Variants in CEP85L observed in about 807,000 individuals in gnomAD.
CEP85L encodes the protein centrosomal protein 85L, also known as centrosomal protein of 85 kDa-like.
Under a neutral mutation model 100.3 loss-of-function variants are expected in CEP85L, and 60 were observed. The ratio of observed to expected loss-of-function variants is 0.60; its 90% CI spans 0.49 to 0.74. The LOEUF (loss-of-function observed/expected upper bound fraction) is 0.74. Ranked by LOEUF, CEP85L falls within the 30% of genes least tolerant of loss-of-function variation. The pLI, the probability that CEP85L is intolerant of heterozygous loss-of-function variation, is 0.00. For synonymous variants in CEP85L, 319 were observed against 322.7 expected (o/e 0.99, Z 0.12); for missense variants, 973 against 936.2 (o/e 1.04, Z -0.51).
chr6:118,485,652 G>T (rs745856130), intron 6 of CEP85L, among the ~76,000 whole-genome samples: 4 of 152,168 alleles, frequency 2.6e-5, no homozygotes, highest in Non-Finnish European at 5.9e-5. Context: ...GAGGCCCAAA[G>T]ATCTTTAGTG....
chr6:118,659,374 A>T (rs1039607680), intron 1 of CEP85L, among the ~76,000 whole-genome samples: 13 of 152,190 alleles, frequency 8.5e-5, no homozygotes, highest in Non-Finnish European at 1.6e-4. Context: ...TTTATAATAG[A>T]CTTTATATTA....
intron 2 of CEP85L, among the ~76,000 whole-genome samples, chr6:118,612,141 C>T (rs902909202): frequency 2.0e-5 from 3 of 151,758 alleles, no homozygotes; most frequent in Non-Finnish European, 4.4e-5. Context: ...GAGTTTCTGG[C>T]TACAATGGAA....
intron 3 of CEP85L, among the ~76,000 whole-genome samples, chr6:118,537,370 T>C (rs1379488528): frequency 2.6e-5 from 4 of 152,128 alleles, no homozygotes; most frequent in Admixed American, 6.6e-5. Flanking sequence ...ATTTTATATA[T>C]ATATTTAGTA....
At chr6:118,649,271 T>C (rs1382108445) in intron 1 of CEP85L, among the ~76,000 whole-genome samples, 1 of 152,248 alleles carries the variant, frequency 6.6e-6, no homozygotes, top group East Asian at 1.9e-4. Flanking sequence ...GTCAATAGTT[T>C]ATTACTGACA....
intron 2 of CEP85L, among the ~76,000 whole-genome samples, chr6:118,573,388 T>A (rs1005427505): frequency 6.6e-6 from 1 of 152,196 alleles, no homozygotes; most frequent in African/African-American, 2.4e-5. Context: ...AAAACAGAAT[T>A]TGGAGACTCA....
intron 2 of CEP85L, among the ~76,000 whole-genome samples, chr6:118,574,411 T>C (rs1202170633): frequency 6.6e-6 from 1 of 152,218 alleles, no homozygotes; most frequent in Non-Finnish European, 1.5e-5. Context: ...TTGCGATCGT[T>C]ACTGACGCAG....
At chr6:118,487,374 G>T (rs1031180512) in intron 6 of CEP85L, among the ~76,000 whole-genome samples, 2 of 152,160 alleles carry the variant, frequency 1.3e-5, no homozygotes, top group African/African-American at 4.8e-5. Flanking sequence ...AAGACCTGGA[G>T]AGTAGTGTCA....
At chr6:118,675,942 A>G (rs536974583) in intron 1 of CEP85L, among the ~76,000 whole-genome samples, 1 of 152,340 alleles carries the variant, frequency 6.6e-6, no homozygotes, top group African/African-American at 2.4e-5. Context: ...AAAGAGAATG[A>G]ACAATAATAA....
intron 1 of CEP85L, among the ~76,000 whole-genome samples, chr6:118,695,857 T>C (rs1777191449): frequency 6.6e-6 from 1 of 152,208 alleles, no homozygotes; most frequent in Non-Finnish European, 1.5e-5. Flanking sequence ...TGATGAGGGC[T>C]ACTAATTACA....
At chr6:118,597,192 C>T (rs1781501658) in intron 2 of CEP85L, among the ~76,000 whole-genome samples, 1 of 152,182 alleles carries the variant, frequency 6.6e-6, no homozygotes, top group Non-Finnish European at 1.5e-5. Context: ...TTATAAATTA[C>T]CCAGTCCCAG....
chr6:118,654,778 C>CA (rs1003661521), upstream of CEP85L, among the ~76,000 whole-genome samples: 2 of 152,146 alleles, frequency 1.3e-5, no homozygotes, highest in African/African-American at 4.8e-5. Context: ...ATAACTGCCT[C>CA]ACAGGATTGC....
chr6:118,633,997 C>T (rs1218297643), intron 1 of CEP85L, among the ~76,000 whole-genome samples: 1 of 152,206 alleles, frequency 6.6e-6, no homozygotes, highest in African/African-American at 2.4e-5. Flanking sequence ...TTCAATGCTC[C>T]CGTATCTGTA....
At position 118,540,991 on chromosome 6, in the gene CEP85L, C is replaced by T. The variant is rs149709092; in HGVS notation, c.1021-17071G>A. On this transcript the variant is annotated intron_variant, in intron 3 of 12. Transcript: ENST00000368491. ...TTTTCATTGTCTAACATTCATTATA[C>T]GGACTCATACTTATCCAAATATTGA... Among the ~76,000 whole-genome samples, 12 of 152,172 alleles carry T rather than the reference C, an allele frequency of 7.9e-5. No homozygotes were observed. In the South Asian group the frequency reaches 8.3e-4, roughly 11 times the overall value.
rs1456541327 is a variant in CEP85L at position 118,559,866 on chromosome 6, C to CTTA, written c.1020+5662_1020+5663insTAA. 2.4e-5 allele frequency: 4 copies of CTTA among 166,952 alleles called. No homozygotes were observed. In the Admixed American group the frequency reaches 2.6e-4, roughly 11 times the overall value. The allele number at this position is 166,952 out of a possible 1,614,324, so 10.3% of individuals were successfully genotyped here. ...TGTGACAGTGAGATTAGTCATATCA[C>CTTA]TAATATACTAACAACAGAATCTAAT... is the stretch of plus-strand genomic sequence containing the variant. On this transcript the variant is annotated intron_variant, in intron 3 of 12. Transcript: ENST00000368491.
intron 5 of CEP85L, chr6:118,501,583 G>T: frequency 1.8e-6 from 1 of 544,410 alleles, no homozygotes; most frequent in South Asian, 1.5e-5. Flanking sequence ...AAGAACTAAC[G>T]GATAACTTCA....
intron 3 of CEP85L, among the ~76,000 whole-genome samples, chr6:118,548,017 T>C (rs905732722): frequency 3.3e-5 from 5 of 152,124 alleles, no homozygotes; most frequent in Admixed American, 2.6e-4. Flanking sequence ...TATTCAATTA[T>C]CTCTAAGCCT....
chr6:118,494,031 T>C (rs1369108216), intron 5 of CEP85L, among the ~76,000 whole-genome samples: 1 of 152,014 alleles, frequency 6.6e-6, no homozygotes. Context: ...CTAAAGTCTG[T>C]GAGAGAAATG....
chr6:118,535,887 T>A (rs886178197), intron 3 of CEP85L, among the ~76,000 whole-genome samples: 2 of 152,126 alleles, frequency 1.3e-5, no homozygotes, highest in Non-Finnish European at 2.9e-5. Context: ...ATTTAATTTA[T>A]TAAAGGACTA....
At chr6:118,474,541 C>A (rs1773204959) in intron 10 of CEP85L, among the ~76,000 whole-genome samples, 1 of 152,202 alleles carries the variant, frequency 6.6e-6, no homozygotes, top group Non-Finnish European at 1.5e-5. Flanking sequence ...AAATCCTGAC[C>A]CTTGCCCCAG....
Sources: gnomAD v4.1 joint callset for allele counts (sites outside exome capture counted in the v4.1 genomes callset) on GRCh38, gnomAD v4.1.1 for gene constraint, MANE v1.5 for transcripts, NCBI Gene and HGNC (gene_info 2026-07-23, HGNC 2026-07-21) for gene names.